Variants in NUP188 observed in about 807,000 individuals in gnomAD.
The protein encoded by NUP188 is nucleoporin NUP188.
Under a neutral mutation model 223.0 loss-of-function variants are expected in NUP188, and 97 were observed. The observed-to-expected ratio is 0.43, with a 90% CI of 0.37 to 0.51. The LOEUF (loss-of-function observed/expected upper bound fraction) is 0.51, where lower values mean the gene tolerates loss of function less well. NUP188 is among the 20% of genes least tolerant of loss of function. The pLI, the probability that NUP188 is intolerant of heterozygous loss-of-function variation, is 0.00. For missense variants in NUP188, 1,947 were observed against 2,175.6 expected (o/e 0.89, Z 2.09); for synonymous variants, 869 against 828.0 (o/e 1.05, Z -0.85).
At chr9:128,953,709 T>G (rs895956785) in intron 3 of NUP188, among the ~76,000 whole-genome samples, 5 of 152,210 alleles carry the variant, frequency 3.3e-5, no homozygotes, top group African/African-American at 1.2e-4. Flanking sequence ...GGTACCCTTA[T>G]CATTGTTTCC....
At chr9:128,995,644 G>C (rs1842511761) in intron 30 of NUP188, 130 bp downstream of exon 30, 1 of 781,770 alleles carries the variant, frequency 1.3e-6, no homozygotes, top group Admixed American at 2.8e-5. Context: ...AACTGTAATA[G>C]GTTCTATGCT....
Position 128,999,675 on chromosome 9 carries a change from T to A in NUP188, c.3713T>A (p.Leu1238His). The A allele has an allele frequency of 6.2e-7, 1 of 1,614,040 alleles. No homozygotes were observed. ...CTGGTGCTGAATGTCTGTGAGACCCTCCAAGAGGAAGTGATTGCACTCTTC... is the reference window on the plus strand; with the variant it reads ...CTGGTGCTGAATGTCTGTGAGACCCACCAAGAGGAAGTGATTGCACTCTTC... ...SQLVLNVCET[L>H]QEEVIALFDQ... is the part of the protein sequence containing the mutation. Residue 1238 changes from leucine (L) to histidine (H), a missense_variant, in exon 34 of 44, where the codon CTC (leucine) becomes CAC (histidine). Physicochemically the swap from Leu to His is moderately conservative, Grantham distance 99. Transcript: ENST00000372577.
chr9:128,960,329 C>T (rs978892032), intron 8 of NUP188, among the ~76,000 whole-genome samples: 32 of 151,894 alleles, frequency 2.1e-4, no homozygotes, highest in African/African-American at 7.0e-4. Flanking sequence ...CCTCAGCCTC[C>T]CAAAGTGCTG....
intron 38 of NUP188, among the ~76,000 whole-genome samples, chr9:129,004,198 G>A (rs1287698395): frequency 6.0e-5 from 9 of 149,918 alleles, no homozygotes; most frequent in East Asian, 2.0e-4. Context: ...CAGGAGAATC[G>A]CTTGAACTCA....
At chr9:128,957,879 A>G (rs1841893218) in intron 5 of NUP188, 131 bp from the exon 6 acceptor site, 2 of 678,224 alleles carry the variant, frequency 2.9e-6, no homozygotes, top group Non-Finnish European at 5.0e-6. Flanking sequence ...GTAAAAAGTA[A>G]GGTGGAAAGT....
intron 25 of NUP188, 82 bp from the exon 26 acceptor site, chr9:128,993,115 C>A: frequency 8.5e-7 from 1 of 1,173,152 alleles, no homozygotes; most frequent in Non-Finnish European, 1.3e-6. Context: ...TTTCTGGGAG[C>A]TCTTCAGTGC....
chr9:128,948,525 G>A (rs1841724680), intron 1 of NUP188: 1 of 151,942 alleles, frequency 6.6e-6, no homozygotes, highest in Non-Finnish European at 1.5e-5. Context: ...CCGGCTCAGA[G>A]CTAGCCAAGT....
intron 12 of NUP188, among the ~76,000 whole-genome samples, chr9:128,978,400 A>G (rs1251813822): frequency 6.6e-6 from 1 of 151,664 alleles, no homozygotes; most frequent in Non-Finnish European, 1.5e-5. Flanking sequence ...CGTCTCTACT[A>G]AAAATACAAA....
At position 128,956,340 on chromosome 9, in the gene NUP188, C is replaced by G; in HGVS notation, c.162-10C>G. The G allele has an allele frequency of 6.6e-7, 1 of 1,517,490 alleles. No individual in the cohort carries two copies. The highest frequency in any genetic ancestry group is 8.9e-7 in the Non-Finnish European group (1 of 1,120,416). The allele number at this position is 1,517,490 out of a possible 1,614,324, so 94.0% of individuals were successfully genotyped here. A position where few individuals can be genotyped will look rare whatever the true frequency, so the allele number is the denominator to read the frequency against. ...GAGAATGAAGAAATGATTCACTGTT[C>G]TTTTTGTAGTCCAAGTTCAGCTGAA... On this transcript the variant is annotated splice_polypyrimidine_tract_variant and intron_variant, in intron 3 of 43. Transcript: ENST00000372577.
chr9:128,956,877 A>G, intron 4 of NUP188, 75 bp from the exon 5 acceptor site: 1 of 1,010,422 alleles, frequency 9.9e-7, no homozygotes, highest in Non-Finnish European at 1.5e-6. Context: ...TCATTGTAGA[A>G]GACAAATCTT....
rs1466824477 is a variant in NUP188 at position 129,006,542 on chromosome 9, G to T, written c.5114G>T (p.Gly1705Val). The T allele has an allele frequency of 5.0e-6, 8 of 1,614,014 alleles. No individual in the cohort carries two copies. Among genetic ancestry groups the T allele is most frequent in the Non-Finnish European group, 6.8e-6 (8 of 1,179,974 alleles). Reference sequence around the variant, plus strand: ...AGCCTCTCGCGCTACTTCCGCCGGGGAGCCCCCAGCTCCCCTGCCACTGGT... The same window carrying T: ...AGCCTCTCGCGCTACTTCCGCCGGGTAGCCCCCAGCTCCCCTGCCACTGGT... ...LSSLSRYFRR[G>V]APSSPATGVL... is the part of the protein sequence containing the mutation. Residue 1705 changes from glycine to valine, a missense_variant, in exon 44 of 44, where the codon GGA becomes GTA. Physicochemically the swap from Gly to Val is moderately radical, Grantham distance 109. Around this residue, in one of 3 missense-constraint regions of NUP188, gnomAD observed 905 missense variants for 990.6 expected, o/e 0.91. Coordinates refer to ENST00000372577, the MANE Select transcript of NUP188 (RefSeq NM_015354.3).
At chr9:128,994,687 CGTT>C (rs1157252748) in intron 28 of NUP188, among the ~76,000 whole-genome samples, 166 bp from the exon 29 acceptor site, 1 of 152,190 alleles carries the variant, frequency 6.6e-6, no homozygotes, top group Non-Finnish European at 1.5e-5. Context: ...CAGTTGGAGA[CGTT>C]GTGGACCTGA....
At chr9:128,978,280 G>A (rs190449083) in intron 12 of NUP188, among the ~76,000 whole-genome samples, 6 of 151,858 alleles carry the variant, frequency 4.0e-5, no homozygotes, top group Admixed American at 6.6e-5. Flanking sequence ...ATACAAAAAC[G>A]GTAAAAAGAG....
At position 128,987,670 on chromosome 9, in the gene NUP188, C is replaced by T. The variant is rs755772711; in HGVS notation, c.2346C>T (p.Gly782=). 7 of 1,613,926 alleles carry T rather than the reference C, an allele frequency of 4.3e-6. No homozygotes were observed. The highest frequency in any genetic ancestry group is 5.9e-6 in the Non-Finnish European group (7 of 1,179,960). Residue 782 remains glycine (G), a synonymous_variant, in exon 23 of 44, where the codon GGC becomes GGT. Transcript: ENST00000372577. ...EAGQTVINIM[G]IGVDTIDMVM... ...GACAGACAGTTATCAATATCATGGG[C>T]ATTGGCGTGGACACCATTGACATGG...
chr9:128,978,742 C>T (rs1380661739), intron 12 of NUP188, among the ~76,000 whole-genome samples: 1 of 152,062 alleles, frequency 6.6e-6, no homozygotes, highest in African/African-American at 2.4e-5. Context: ...CAGAGCCTCA[C>T]TTTGTTGCCC....
At chr9:128,958,692 A>G (rs1450880530) in intron 6 of NUP188, 110 bp from the exon 7 acceptor site, 1 of 496,540 alleles carries the variant, frequency 2.0e-6, no homozygotes, top group Non-Finnish European at 3.5e-6. Flanking sequence ...CCTTATTTAT[A>G]TAAATTGAAC....
At position 128,991,707 on chromosome 9, in the gene NUP188, G is replaced by T. The variant is rs111949112; in HGVS notation, c.2640+1481G>T. ...AATACAAAAAAATTAGCCGGGTGTGGCTGCGTGTGCCTGTAGTCCCAGGTA... is the reference window on the plus strand; with the variant it reads ...AATACAAAAAAATTAGCCGGGTGTGTCTGCGTGTGCCTGTAGTCCCAGGTA... On this transcript the variant is annotated intron_variant, in intron 25 of 43. Coordinates refer to ENST00000372577, the MANE Select transcript of NUP188 (RefSeq NM_015354.3). Among the ~76,000 whole-genome samples, 838 of 150,478 alleles carry T rather than the reference G, an allele frequency of 5.6e-3. 5 individuals carry two copies. The highest frequency in any genetic ancestry group is 0.02 in the African/African-American group (802 of 40,936).
chr9:128,970,270 G>A (rs535006997), intron 10 of NUP188, among the ~76,000 whole-genome samples: 2 of 152,234 alleles, frequency 1.3e-5, no homozygotes, highest in East Asian at 3.9e-4. Flanking sequence ...GGAAATCTCA[G>A]GTTCGTCAGT....
intron 1 of NUP188, 87 bp downstream of exon 1, chr9:128,947,838 G>A (rs1318454677): frequency 4.8e-6 from 6 of 1,249,072 alleles, no homozygotes; most frequent in Non-Finnish European, 4.1e-6. Flanking sequence ...GAGGCGGGAT[G>A]TGGCGACAGT....
Sources: gnomAD v4.1 joint callset for allele counts (sites outside exome capture counted in the v4.1 genomes callset) on GRCh38, gnomAD v4.1.1 for gene constraint, gnomAD v4.1.1 regional missense constraint, MANE v1.5 for transcripts, NCBI Gene and HGNC (gene_info 2026-07-23, HGNC 2026-07-21) for gene names.